The following ARHGEF26 variants were observed in gnomAD, a reference collection of about 807,000 sequenced individuals.
ARHGEF26 encodes the protein Rho guanine nucleotide exchange factor (GEF) 26.
Under a neutral mutation model 89.4 loss-of-function variants are expected in ARHGEF26, and 59 were observed. The ratio of observed to expected loss-of-function variants is 0.66; its 90% CI spans 0.54 to 0.82. ARHGEF26 has a LOEUF of 0.82. ARHGEF26 is among the 40% of genes least tolerant of loss of function. The pLI, the probability that ARHGEF26 is intolerant of heterozygous loss-of-function variation, is 0.00. For synonymous variants in ARHGEF26, 500 were observed against 428.4 expected (o/e 1.17, Z -2.06); for missense variants, 1,234 against 1,085.6 (o/e 1.14, Z -1.92).
At chr3:154,127,511 A>G (rs752343091) in intron 3 of ARHGEF26, among the ~76,000 whole-genome samples, 8 of 114,432 alleles carry the variant, frequency 7.0e-5, no homozygotes, top group Non-Finnish European at 1.2e-4. Flanking sequence ...CTTCAGGGAC[A>G]GTAACATACA....
chr3:154,211,424 G>T (rs943055072), intron 9 of ARHGEF26, among the ~76,000 whole-genome samples: 1 of 151,012 alleles, frequency 6.6e-6, no homozygotes, highest in Non-Finnish European at 1.5e-5. Flanking sequence ...TAACAGGACA[G>T]CATTGAGTTC....
At chr3:154,129,178 T>G (rs1718523593) in intron 3 of ARHGEF26, among the ~76,000 whole-genome samples, 1 of 152,174 alleles carries the variant, frequency 6.6e-6, no homozygotes, top group African/African-American at 2.4e-5. Context: ...CATTTTACTC[T>G]CAGCCCTTGG....
At chr3:154,194,295 T>G (rs755844127) in intron 8 of ARHGEF26, among the ~76,000 whole-genome samples, 1 of 152,190 alleles carries the variant, frequency 6.6e-6, no homozygotes, top group Admixed American at 6.5e-5. Flanking sequence ...AACCTTGTGA[T>G]GTAGCTGGCA....
At chr3:154,177,374 A>G (rs188708577) in intron 6 of ARHGEF26, among the ~76,000 whole-genome samples, 51 of 152,294 alleles carry the variant, frequency 3.3e-4, no homozygotes, top group Admixed American at 8.5e-4. Flanking sequence ...GCTTCCTACA[A>G]GTGAAACCAT....
intron 3 of ARHGEF26, among the ~76,000 whole-genome samples, chr3:154,127,916 A>G (rs1363424243): frequency 6.6e-6 from 1 of 152,142 alleles, no homozygotes; most frequent in South Asian, 2.1e-4. Context: ...AAACAATATT[A>G]TGCAATGCGT....
At chr3:154,235,175 T>A (rs1236322506) in intron 11 of ARHGEF26, among the ~76,000 whole-genome samples, 1 of 152,172 alleles carries the variant, frequency 6.6e-6, no homozygotes, top group Non-Finnish European at 1.5e-5. Context: ...CTTGCTTGTG[T>A]TTTCACTGGG....
intron 10 of ARHGEF26, among the ~76,000 whole-genome samples, chr3:154,219,359 C>T (rs1424801141): frequency 6.6e-6 from 1 of 152,060 alleles, no homozygotes; most frequent in African/African-American, 2.4e-5. Flanking sequence ...CTTTGGGAGG[C>T]CGAGGTGGGT....
intron 9 of ARHGEF26, among the ~76,000 whole-genome samples, chr3:154,216,032 A>C (rs1715704839): frequency 6.6e-6 from 1 of 152,158 alleles, no homozygotes; most frequent in Non-Finnish European, 1.5e-5. Context: ...AAAAAGAGAA[A>C]GTGTATGACC....
rs1254777922 is a variant in ARHGEF26 at position 154,239,308 on chromosome 3, G to A, written c.2091-1062G>A. 1.2e-3 allele frequency among the ~76,000 whole-genome samples: 34 copies of A among 27,606 alleles called. 1 individual carries two copies. Among genetic ancestry groups the A allele is most frequent in the African/African-American group, 3.2e-3 (34 of 10,462 alleles). The allele number at this position is 27,606 out of a possible 152,430, so 18.1% of individuals were successfully genotyped here. On this transcript the variant is annotated intron_variant, in intron 11 of 14. Coordinates refer to ENST00000465093, the MANE Select transcript of ARHGEF26 (RefSeq NM_015595.4). ...AGAGAGAGAGAGAGAGAGTGTGTGT[G>A]TGTGTGTGTGTGTGTGTGTGTGTGT...
chr3:154,197,288 A>G (rs1179189976), intron 9 of ARHGEF26, among the ~76,000 whole-genome samples: 4 of 152,284 alleles, frequency 2.6e-5, no homozygotes, highest in Non-Finnish European at 5.9e-5. Flanking sequence ...TCAATAATTA[A>G]TCTTCTTTTT....
At chr3:154,173,398 A>G (rs1712584420) in intron 6 of ARHGEF26, among the ~76,000 whole-genome samples, 1 of 152,206 alleles carries the variant, frequency 6.6e-6, no homozygotes, top group African/African-American at 2.4e-5. Flanking sequence ...GAGACAATTG[A>G]ATGTAATTTT....
At chr3:154,169,904 A>G (rs1393801336) in intron 6 of ARHGEF26, among the ~76,000 whole-genome samples, 3 of 152,234 alleles carry the variant, frequency 2.0e-5, no homozygotes, top group Non-Finnish European at 2.9e-5. Context: ...CAGTAATTCA[A>G]TGTTCACAGC....
chr3:154,186,455 T>C (rs1293505862), intron 6 of ARHGEF26, among the ~76,000 whole-genome samples: 1 of 152,080 alleles, frequency 6.6e-6, no homozygotes, highest in Non-Finnish European at 1.5e-5. Context: ...TGCTATCTAT[T>C]TATACACTAA....
At chr3:154,218,097 T>C (rs1277696449) in intron 10 of ARHGEF26, 139 bp downstream of exon 10, 1 of 733,668 alleles carries the variant, frequency 1.4e-6, no homozygotes, top group African/African-American at 1.8e-5. Context: ...TAGCAGATGC[T>C]TCAGGCAATT....
chr3:154,126,703 T>C (rs1227629084), intron 3 of ARHGEF26, among the ~76,000 whole-genome samples: 1 of 152,188 alleles, frequency 6.6e-6, no homozygotes, highest in East Asian at 1.9e-4. Flanking sequence ...CTGGCTCATG[T>C]CTCTAAACTC....
intron 6 of ARHGEF26, among the ~76,000 whole-genome samples, chr3:154,174,118 G>C (rs1404076027): frequency 6.6e-6 from 1 of 152,150 alleles, no homozygotes; most frequent in Non-Finnish European, 1.5e-5. Context: ...CTGGCAGCCA[G>C]GCCATATAGC....
rs1718448779 is a variant in ARHGEF26 at position 154,255,582 on chromosome 3, A to G, written c.*109A>G. ...TTGTCACAGCCTATTTAATTAAAAG[A>G]ACGAAAACACTTGCCTTTAAGCTTG... On this transcript the variant is annotated 3_prime_UTR_variant, in exon 15 of 15. Transcript: ENST00000465093. 1.4e-6 allele frequency: 2 copies of G among 1,473,396 alleles called. No homozygotes were observed. The highest frequency in any genetic ancestry group is 1.8e-6 in the Non-Finnish European group (2 of 1,114,778). The allele number at this position is 1,473,396 out of a possible 1,614,324, so 91.3% of individuals were successfully genotyped here.
chr3:154,226,525 G>T (rs1716496560), intron 11 of ARHGEF26, among the ~76,000 whole-genome samples: 1 of 152,198 alleles, frequency 6.6e-6, no homozygotes, highest in Non-Finnish European at 1.5e-5. Context: ...TAAATCATTT[G>T]ATTGGCAGAG....
At chr3:154,167,626 GT>G (rs1366619997) in intron 6 of ARHGEF26, among the ~76,000 whole-genome samples, 1 of 152,144 alleles carries the variant, frequency 6.6e-6, no homozygotes, top group Non-Finnish European at 1.5e-5. Context: ...CTGCACTGTA[GT>G]TAAATTGATC....
Sources: gnomAD v4.1 joint callset for allele counts (sites outside exome capture counted in the v4.1 genomes callset) on GRCh38, gnomAD v4.1.1 for gene constraint, MANE v1.5 for transcripts, NCBI Gene and HGNC (gene_info 2026-07-23, HGNC 2026-07-21) for gene names.